The following RAP2A variants were observed in gnomAD, a reference collection of about 807,000 sequenced individuals.
The protein encoded by RAP2A is RAP2A, member of RAS oncogene family, also known as ras-related protein Rap-2a.
RAP2A carries 5 observed loss-of-function variants against 15.1 expected under a neutral mutation model. The observed-to-expected ratio is 0.33, with a 90% CI of 0.17 to 0.70. The LOEUF (loss-of-function observed/expected upper bound fraction) is 0.70, where lower values mean the gene tolerates loss of function less well. RAP2A is among the 30% of genes least tolerant of loss of function. The probability of loss-of-function intolerance (pLI) is 0.68; values close to 1 mark genes in which losing one functional copy is unlikely to be tolerated. For synonymous variants in RAP2A, 110 were observed against 99.7 expected (o/e 1.10, Z -0.62); for missense variants, 111 against 240.3 (o/e 0.46, Z 3.56).
Position 97,465,165 on chromosome 13 carries a change from G to T in RAP2A, c.*723G>T, listed in dbSNP as rs1237675210. 1.3e-5 allele frequency: 2 copies of T among 152,322 alleles called. No individual in the cohort carries two copies. Among genetic ancestry groups the T allele is most frequent in the Non-Finnish European group, 2.9e-5 (2 of 68,040 alleles). 9.4% of individuals were successfully genotyped at this position (152,322 alleles called of 1,614,324 possible). A position where few individuals can be genotyped will look rare whatever the true frequency, so the allele number is the denominator to read the frequency against. ...CCACAGAAAATGGAGGCTTTCACAAGGGTTTGATCAGAATTAAAACCCCAA... is the reference window on the plus strand; with the variant it reads ...CCACAGAAAATGGAGGCTTTCACAATGGTTTGATCAGAATTAAAACCCCAA... On this transcript the variant is annotated 3_prime_UTR_variant, in exon 2 of 2. Transcript: ENST00000245304.
intron 1 of RAP2A, 139 bp downstream of exon 1, chr13:97,434,923 C>T (rs761927948): frequency 5.6e-6 from 7 of 1,250,196 alleles, no homozygotes; most frequent in South Asian, 1.5e-5. Context: ...TGTCATTCTG[C>T]TCCTCCTCCT....
At position 97,456,137 on chromosome 13, in the gene RAP2A, A is replaced by G. The variant is rs1451640295; in HGVS notation, c.315-8068A>G. Among the ~76,000 whole-genome samples, 2 of 144,342 alleles carry G rather than the reference A, an allele frequency of 1.4e-5. 1 individual carries two copies. Among genetic ancestry groups the G allele is most frequent in the Non-Finnish European group, 3.1e-5 (2 of 64,760 alleles). The allele number at this position is 144,342 out of a possible 152,430, so 94.7% of individuals were successfully genotyped here. On this transcript the variant is annotated intron_variant, in intron 1 of 1. Coordinates refer to ENST00000245304, the MANE Select transcript of RAP2A (RefSeq NM_021033.7). ...CTGTGAAATAAGAAGGAAAAAAGTG[A>G]GGGTTTTCAGCCCACACACATACTC...
intron 1 of RAP2A, among the ~76,000 whole-genome samples, chr13:97,446,268 CT>C (rs779649460): frequency 1.3e-5 from 2 of 151,548 alleles, no homozygotes; most frequent in Non-Finnish European, 3.0e-5. Context: ...CAAACTCTCT[CT>C]TTTTTTTTAA....
rs762720602 is a variant in RAP2A at position 97,434,509 on chromosome 13, G to T, written c.39G>T (p.Gly13=). 5 of 1,613,158 alleles carry T rather than the reference G, an allele frequency of 3.1e-6. No individual in the cohort carries two copies. Among genetic ancestry groups the T allele is most frequent in the Non-Finnish European group, 4.2e-6 (5 of 1,179,630 alleles). The part of the protein sequence containing the change: ...EYKVVVLGSG[G]VGKSALTVQF... ...AAGTGGTGGTGCTGGGCTCGGGCGGGGTAGGCAAATCCGCCCTGACCGTGC... is the reference window on the plus strand; with the variant it reads ...AAGTGGTGGTGCTGGGCTCGGGCGGTGTAGGCAAATCCGCCCTGACCGTGC... Residue 13 remains glycine (G), a synonymous_variant, in exon 1 of 2, where the codon GGG becomes GGT. Coordinates refer to ENST00000245304, the MANE Select transcript of RAP2A (RefSeq NM_021033.7).
At chr13:97,447,365 C>T (rs1308349828) in intron 1 of RAP2A, among the ~76,000 whole-genome samples, 1 of 152,184 alleles carries the variant, frequency 6.6e-6, no homozygotes, top group East Asian at 1.9e-4. Flanking sequence ...ACAGGGTGTA[C>T]TGTTTATAAA....
chr13:97,446,669 T>A lies in RAP2A; in HGVS notation c.314+11885T>A, dbSNP rs979988801. On this transcript the variant is annotated intron_variant, in intron 1 of 1. Transcript: ENST00000245304. The stretch of plus-strand genomic sequence containing the variant: ...TTTCTTGAAGCCCTGAGCTACCACA[T>A]AGGAAGTCCAGCTATGCTGCTGGAA... Among the ~76,000 whole-genome samples, 5 of 152,118 alleles carry A rather than the reference T, an allele frequency of 3.3e-5. 1 individual carries two copies. The highest frequency in any genetic ancestry group is 9.7e-5 in the African/African-American group (4 of 41,420).
chr13:97,446,839 G>A (rs1300800734), intron 1 of RAP2A, among the ~76,000 whole-genome samples: 2 of 152,094 alleles, frequency 1.3e-5, no homozygotes, highest in Non-Finnish European at 1.5e-5. Flanking sequence ...CCTCTGAGTG[G>A]CCCCAGTCAA....
chr13:97,438,927 CATAG>C (rs765758475), intron 1 of RAP2A, among the ~76,000 whole-genome samples: 10 of 152,282 alleles, frequency 6.6e-5, no homozygotes, highest in Non-Finnish European at 1.0e-4. Context: ...ATTTTGATTT[CATAG>C]ATGGAGGAGA....
intron 1 of RAP2A, among the ~76,000 whole-genome samples, chr13:97,440,332 A>G (rs1364471029): frequency 6.6e-6 from 1 of 152,176 alleles, no homozygotes; most frequent in African/African-American, 2.4e-5. Context: ...AAATCCTGAA[A>G]GTCAGACATA....
At chr13:97,434,933 T>C in intron 1 of RAP2A, 149 bp downstream of exon 1, 1 of 1,221,986 alleles carries the variant, frequency 8.2e-7, no homozygotes, top group South Asian at 1.6e-5. Flanking sequence ...CTCCTCCTCC[T>C]CAATCTCAAA....
rs540376278 is a variant in RAP2A, at chr13:97,468,340, C to G, written c.*3898C>G. The stretch of plus-strand genomic sequence containing the variant: ...CAATATCACTAAAATGATTCAGAGG[C>G]CTTCTAGTGATGGCTTGAAGCCGTC... On this transcript the variant is annotated 3_prime_UTR_variant, in exon 2 of 2. Transcript: ENST00000245304. The G allele has an allele frequency of 2.0e-5, 3 of 152,144 alleles. No individual in the cohort carries two copies. The highest frequency in any genetic ancestry group is 2.9e-5 in the Non-Finnish European group (2 of 68,034). The allele number at this position is 152,144 out of a possible 1,614,324, so 9.4% of individuals were successfully genotyped here. A position where few individuals can be genotyped will look rare whatever the true frequency, so the allele number is the denominator to read the frequency against.
Position 97,464,200 on chromosome 13 carries a change from C to T in RAP2A, c.315-5C>T. 2.5e-6 allele frequency: 4 copies of T among 1,613,644 alleles called. No individual in the cohort carries two copies. The African/African-American group carries it at 4.0e-5, about 16-fold the overall frequency. On this transcript the variant is annotated splice_region_variant and splice_polypyrimidine_tract_variant and intron_variant, in intron 1 of 1. Transcript: ENST00000245304. ...TGTATGTGTGTTTTGTTTATTCTCTCATAGGTATGAGAAAGTGCCAGTCAT... is the reference window on the plus strand; with the variant it reads ...TGTATGTGTGTTTTGTTTATTCTCTTATAGGTATGAGAAAGTGCCAGTCAT...
chr13:97,454,877 C>A (rs888430172), intron 1 of RAP2A, among the ~76,000 whole-genome samples: 1 of 151,222 alleles, frequency 6.6e-6, no homozygotes, highest in Non-Finnish European at 1.5e-5. Context: ...GATATTTTTG[C>A]TGATACAGTA....
At chr13:97,447,935 T>G (rs965346558) in intron 1 of RAP2A, among the ~76,000 whole-genome samples, 4 of 151,942 alleles carry the variant, frequency 2.6e-5, no homozygotes, top group Admixed American at 2.6e-4. Flanking sequence ...AACAAGACTT[T>G]AGCTCAAAAC....
chr13:97,441,106 G>A (rs1214092111), intron 1 of RAP2A, among the ~76,000 whole-genome samples: 1 of 152,086 alleles, frequency 6.6e-6, no homozygotes, highest in Non-Finnish European at 1.5e-5. Context: ...ATTTGGAGTT[G>A]GAGGAGATGA....
rs1395171709 is a variant in RAP2A at position 97,465,863 on chromosome 13, T to A, written c.*1421T>A. The A allele has an allele frequency of 1.3e-5, 2 of 152,190 alleles. No individual in the cohort carries two copies. The highest frequency in any genetic ancestry group is 2.1e-4 in the South Asian group (1 of 4,830). The allele number at this position is 152,190 out of a possible 1,614,324, so 9.4% of individuals were successfully genotyped here. A position where few individuals can be genotyped will look rare whatever the true frequency, so the allele number is the denominator to read the frequency against. On this transcript the variant is annotated 3_prime_UTR_variant, in exon 2 of 2. Transcript: ENST00000245304. Reference sequence around the variant, plus strand: ...TACATAAATGCTGAAAAGATTATCTTGAGCTGGGCCTTGGGAGAAGAATTT... The same window carrying A: ...TACATAAATGCTGAAAAGATTATCTAGAGCTGGGCCTTGGGAGAAGAATTT...
Position 97,464,368 on chromosome 13 carries a change from A to G in RAP2A, c.478A>G (p.Ile160Val), listed in dbSNP as rs1196658125. The G allele has an allele frequency of 1.1e-5, 17 of 1,614,236 alleles. No individual in the cohort carries two copies. The highest frequency in any genetic ancestry group is 1.4e-5 in the Non-Finnish European group (16 of 1,180,026). ...KTMVDELFAE[I>V]VRQMNYAAQP... Reference sequence around the variant, plus strand: ...AATGGTGGACGAACTCTTTGCAGAAATTGTGAGGCAGATGAACTATGCTGC... The same window carrying G: ...AATGGTGGACGAACTCTTTGCAGAAGTTGTGAGGCAGATGAACTATGCTGC... The change falls in exon 2 of 2, where the codon ATT (isoleucine) becomes GTT (valine). Residue 160 changes from isoleucine to valine, a missense_variant. This residue lies in a region of RAP2A where 74 missense variants were observed against 132.3 expected (regional missense o/e 0.56). Coordinates refer to ENST00000245304, the MANE Select transcript of RAP2A (RefSeq NM_021033.7).
chr13:97,443,833 C>T (rs2066668135), intron 1 of RAP2A, among the ~76,000 whole-genome samples: 2 of 152,154 alleles, frequency 1.3e-5, no homozygotes, highest in South Asian at 2.1e-4. Context: ...AGCTGAGATC[C>T]AGCACTTATT....
At position 97,467,689 on chromosome 13, in the gene RAP2A, A is replaced by C. The variant is rs1462363239; in HGVS notation, c.*3247A>C. Reference sequence around the variant, plus strand: ...GGACTATGGAGGTCTTTTTTTTTTTATTTAACATGTCATTGTTCATCTATT... The same window carrying C: ...GGACTATGGAGGTCTTTTTTTTTTTCTTTAACATGTCATTGTTCATCTATT... On this transcript the variant is annotated 3_prime_UTR_variant, in exon 2 of 2. Transcript: ENST00000245304. 1 of 123,748 alleles carries C rather than the reference A, an allele frequency of 8.1e-6. No individual in the cohort carries two copies. Among genetic ancestry groups the C allele is most frequent in the Non-Finnish European group, 1.7e-5 (1 of 57,196 alleles). The allele number at this position is 123,748 out of a possible 1,614,324, so 7.7% of individuals were successfully genotyped here.
Sources: gnomAD v4.1 joint callset for allele counts (sites outside exome capture counted in the v4.1 genomes callset) on GRCh38, gnomAD v4.1.1 for gene constraint, gnomAD v4.1.1 regional missense constraint, MANE v1.5 for transcripts, NCBI Gene and HGNC (gene_info 2026-07-23, HGNC 2026-07-21) for gene names.